Variants in DDX41 observed in about 807,000 individuals in gnomAD.
DDX41 encodes the protein DEAD-box helicase 41.
Under a neutral mutation model 78.8 loss-of-function variants are expected in DDX41, and 50 were observed. The observed-to-expected ratio is 0.63, with a 90% confidence interval of 0.51 to 0.80. DDX41 has a LOEUF of 0.80. Ranked by LOEUF, DDX41 falls within the 30% of genes least tolerant of loss-of-function variation. The pLI, the probability that DDX41 is intolerant of heterozygous loss-of-function variation, is 0.00. For missense variants in DDX41, 633 were observed against 849.2 expected, an observed-to-expected ratio of 0.75 and a Z score of 3.16; for synonymous variants, 381 against 321.5, an observed-to-expected ratio of 1.19 and a Z score of -1.98.
chr5:177,516,863 C>T, intron 1 of DDX41, 28 bp from the exon 2 acceptor site: 1 of 1,613,194 alleles, frequency 6.2e-7, no homozygotes, highest in Non-Finnish European at 8.5e-7. Context: ...TCAGGCACGG[C>T]CTGCTCCCCT....
Position 177,516,280 on chromosome 5 carries a change from C to A in DDX41, c.298+8G>T. ...TCTTTCTCGCCCAGGCAGTGCTGCC[C>A]AGCCCACCTTCAGCCTTCTCTTTAA... is the stretch of plus-strand genomic sequence containing the variant. On this transcript the variant is annotated splice_region_variant and intron_variant, in intron 3 of 16. Coordinates refer to ENST00000330503, the MANE Select transcript of DDX41 (RefSeq NM_016222.4). 6.2e-6 allele frequency: 10 copies of A among 1,614,156 alleles called. No homozygotes were observed. The highest frequency in any genetic ancestry group is 8.5e-6 in the Non-Finnish European group (10 of 1,180,016).
At position 177,516,811 on chromosome 5, in the gene DDX41, C is replaced by T. The variant is rs747566780; in HGVS notation, c.52G>A (p.Ala18Thr). ...RKRARTDEVP[A>T]GGSRSEAEDE... ...TCCGCCTCGGAGCGGCTTCCTCCGGCAGGCACCTCGTCGGTGCGAGCCCGC... is the reference window on the plus strand; with the variant it reads ...TCCGCCTCGGAGCGGCTTCCTCCGGTAGGCACCTCGTCGGTGCGAGCCCGC... Residue 18 changes from alanine (A) to threonine (T), a missense_variant, in exon 2 of 17, where the codon GCC (alanine) becomes ACC (threonine). Physicochemically the swap from Ala to Thr is moderately conservative, Grantham distance 58 (BLOSUM62 0). Around this residue, in one of 6 missense-constraint regions of DDX41, gnomAD observed 140 missense variants for 115.2 expected, o/e 1.22. Transcript: ENST00000330503. 2.9e-5 allele frequency: 46 copies of T among 1,612,452 alleles called. No individual in the cohort carries two copies. Among genetic ancestry groups the T allele is most frequent in the Non-Finnish European group, 3.8e-5 (45 of 1,179,852 alleles).
At chr5:177,512,696 G>A in intron 13 of DDX41, 51 bp from the exon 14 acceptor site, 2 of 1,613,236 alleles carry the variant, frequency 1.2e-6, no homozygotes, top group East Asian at 2.2e-5. Context: ...ACAGGGGAGT[G>A]GCAGGCCAAC....
chr5:177,512,160 C>G lies in DDX41; in HGVS notation c.1668G>C (p.Lys556Asn). 6.2e-7 allele frequency: 1 copy of G among 1,613,650 alleles called. No homozygotes were observed. The highest frequency in any genetic ancestry group is 8.5e-7 in the Non-Finnish European group (1 of 1,180,038). Residue 556 changes from lysine to asparagine, a missense_variant, in exon 16 of 17, where the codon AAG (lysine) becomes AAC (asparagine). By Grantham distance (94) the Lys-to-Asn change is moderately conservative. This residue lies in a region of DDX41 where 185 missense variants were observed against 367.4 expected (regional missense o/e 0.50). Coordinates refer to ENST00000330503, the MANE Select transcript of DDX41 (RefSeq NM_016222.4). ...MDLKALLLEA[K>N]QKVPPVLQVL... ...CCTGCAGCACGGGCGGCACCTTCTG[C>G]TTGGCTTCTAGCAGCAGCGCTTTGA...
chr5:177,515,176 CCA>C lies in DDX41; in HGVS notation c.644+8_644+9del, dbSNP rs749438678. 6.2e-6 allele frequency: 10 copies of C among 1,613,906 alleles called. No homozygotes were observed. Among genetic ancestry groups the C allele is most frequent in the Non-Finnish European group, 8.5e-6 (10 of 1,180,042 alleles). ...TCCTCAAGGACCCCAGGTCCACAGT[CCA>C]CACTCACATGGTGGGGATGCCCTGG... On this transcript the variant is annotated splice_region_variant and intron_variant, in intron 7 of 16. Transcript: ENST00000330503.
In DDX41 at chr5:177,515,811, G is replaced by A. The variant is rs990049233; in HGVS notation, c.445C>T (p.Pro149Ser). 2 of 1,614,202 alleles carry A rather than the reference G, an allele frequency of 1.2e-6. No homozygotes were observed. Among genetic ancestry groups the A allele is most frequent in the Middle Eastern group, 3.3e-4 (2 of 6,062 alleles). Reference protein sequence around the residue: ...DDPIKTSWTPPRYVLSMSEER... With the variant: ...DDPIKTSWTPSRYVLSMSEER... The stretch of plus-strand genomic sequence containing the variant: ...TCAGACATGCTCAGAACATAACGGG[G>A]TGGAGTCCAGCTGTGGATGGGTAAC... Residue 149 changes from proline to serine, a missense_variant, in exon 6 of 17, where the codon CCC (proline) becomes TCC (serine). By Grantham distance (74) the Pro-to-Ser change is moderately conservative (BLOSUM62 -1). This residue lies in a region of DDX41 where 126 missense variants were observed against 115.5 expected (regional missense o/e 1.09). Coordinates refer to ENST00000330503, the MANE Select transcript of DDX41 (RefSeq NM_016222.4).
At chr5:177,515,352 G>A (rs771552373) in intron 6 of DDX41, 94 bp from the exon 7 acceptor site, 2 of 1,237,914 alleles carry the variant, frequency 1.6e-6, no homozygotes, top group African/African-American at 3.0e-5. Context: ...ACAAGTTGCA[G>A]ATGATGAAAC....
chr5:177,514,885 C>G lies in DDX41; in HGVS notation c.798+31G>C. On this transcript the variant is annotated intron_variant, in intron 8 of 16. Transcript: ENST00000330503. The surrounding 1 kb of genome is among the most constrained non-coding windows in gnomAD (Gnocchi z 4.2). Reference sequence around the variant, plus strand: ...TGGCACCAGATGGCAGCCCCAATCTCTGGCCTGCCCTCCAGGCCAGCCTAT... The same window carrying G: ...TGGCACCAGATGGCAGCCCCAATCTGTGGCCTGCCCTCCAGGCCAGCCTAT... 1 of 1,603,570 alleles carries G rather than the reference C, an allele frequency of 6.2e-7. No individual in the cohort carries two copies. The highest frequency in any genetic ancestry group is 1.1e-5 in the South Asian group (1 of 90,968).
intron 2 of DDX41, 76 bp downstream of exon 2, chr5:177,516,649 C>A: frequency 6.8e-7 from 1 of 1,477,424 alleles, no homozygotes; most frequent in Non-Finnish European, 9.2e-7. Flanking sequence ...CTCCTCCCCA[C>A]GGAGGCCGAG....
Position 177,513,754 on chromosome 5 carries a change from C to T in DDX41, c.1029G>A (p.Leu343=), listed in dbSNP as rs776202499. Residue 343 remains leucine, a synonymous_variant, in exon 10 of 17, where the codon CTG becomes CTA. Coordinates refer to ENST00000330503, the MANE Select transcript of DDX41 (RefSeq NM_016222.4). The surrounding 1 kb of genome is among the most constrained non-coding windows in gnomAD (Gnocchi z 4.6). ...VSLDICRYLA[L]DEADRMIDMG... ...TGTCGATCATGCGGTCAGCCTCGTC[C>T]AGGGCCAGGTAGCGACAGATGTCTA... is the stretch of plus-strand genomic sequence containing the variant. The T allele has an allele frequency of 6.2e-7, 1 of 1,613,916 alleles. No homozygotes were observed. The highest frequency in any genetic ancestry group is 2.2e-5 in the East Asian group (1 of 44,886).
chr5:177,515,474 T>G (rs1761183418), intron 6 of DDX41: 2 of 856,764 alleles, frequency 2.3e-6, no homozygotes, highest in Non-Finnish European at 3.8e-6. Flanking sequence ...CTATGCCCAA[T>G]GGCACTTTCC....
Position 177,515,237 on chromosome 5 carries a change from T to C in DDX41, c.593A>G (p.Lys198Arg). The C allele has an allele frequency of 6.2e-7, 1 of 1,614,042 alleles. No individual in the cohort carries two copies. The highest frequency in any genetic ancestry group is 8.5e-7 in the Non-Finnish European group (1 of 1,180,026). Residue 198 changes from lysine (K) to arginine (R), a missense_variant, in exon 7 of 17, where the codon AAG becomes AGG. By Grantham distance (26) the Lys-to-Arg change is conservative. Around this residue, in one of 6 missense-constraint regions of DDX41, gnomAD observed 126 missense variants for 115.5 expected, o/e 1.09. Coordinates refer to ENST00000330503, the MANE Select transcript of DDX41 (RefSeq NM_016222.4). ...GGGTGTTGGGTGGTGAATGCCTTTCTTCTTCAGGCCTCTCAGGATGGCTAT... is the reference window on the plus strand; with the variant it reads ...GGGTGTTGGGTGGTGAATGCCTTTCCTCTTCAGGCCTCTCAGGATGGCTAT... Reference protein sequence around the residue: ...FPAAILRGLKKKGIHHPTPIQ... With the variant: ...FPAAILRGLKRKGIHHPTPIQ...
chr5:177,515,113 G>A, intron 7 of DDX41, 44 bp from the exon 8 acceptor site: 1 of 1,612,284 alleles, frequency 6.2e-7, no homozygotes, highest in Non-Finnish European at 8.5e-7. Flanking sequence ...AACAGAAGAT[G>A]AAGGACACCT....
chr5:177,512,660 GCA>G lies in DDX41; in HGVS notation c.1400-17_1400-16del. 1 of 1,613,850 alleles carries G rather than the reference GCA, an allele frequency of 6.2e-7. No individual in the cohort carries two copies. Among genetic ancestry groups the G allele is most frequent in the Non-Finnish European group, 8.5e-7 (1 of 1,179,964 alleles). On this transcript the variant is annotated splice_polypyrimidine_tract_variant and intron_variant, in intron 13 of 16. Transcript: ENST00000330503. ...TTCCTCCTGGTCTGGGGAGGGTCAG[GCA>G]GACACTGTCAGAGCCACCATGGGAC...
At chr5:177,515,644 T>G (rs758263694) in intron 6 of DDX41, 41 bp downstream of exon 6, 4 of 1,608,706 alleles carry the variant, frequency 2.5e-6, no homozygotes, top group African/African-American at 1.3e-5. Flanking sequence ...CACAGGCATT[T>G]GATTATAAAA....
chr5:177,515,871 G>A, intron 5 of DDX41, 50 bp from the exon 6 acceptor site: 1 of 1,614,132 alleles, frequency 6.2e-7, no homozygotes, highest in South Asian at 1.1e-5. Flanking sequence ...AGCTGGCCTG[G>A]GAGCATCCCT....
chr5:177,516,876 T>C, intron 1 of DDX41, 41 bp from the exon 2 acceptor site: 2 of 1,613,224 alleles, frequency 1.2e-6, no homozygotes, highest in South Asian at 1.1e-5. Flanking sequence ...GCTCCCCTCT[T>C]CACGCCCGCT....
At chr5:177,516,526 G>A (rs775765703) in intron 2 of DDX41, 79 bp from the exon 3 acceptor site, 4 of 1,556,350 alleles carry the variant, frequency 2.6e-6, no homozygotes, top group Admixed American at 3.4e-5. Context: ...GCTTTGGGGC[G>A]AGGATCCTGT....
At position 177,512,988 on chromosome 5, in the gene DDX41, C is replaced by G. The variant is rs200741070; in HGVS notation, c.1302+23G>C. 3.1e-6 allele frequency: 5 copies of G among 1,612,816 alleles called. No homozygotes were observed. The South Asian group carries it at 4.4e-5, about 14-fold the overall frequency. On this transcript the variant is annotated intron_variant, in intron 12 of 16. Coordinates refer to ENST00000330503, the MANE Select transcript of DDX41 (RefSeq NM_016222.4). Reference sequence around the variant, plus strand: ...TCCCTGGTCCTGGGGACTCTGGCCCCGGCCTGGCCTGGCTGCACTCACAGG... The same window carrying G: ...TCCCTGGTCCTGGGGACTCTGGCCCGGGCCTGGCCTGGCTGCACTCACAGG...
Sources: allele counts gnomAD v4.1 joint callset, GRCh38; gene constraint gnomAD v4.1.1; regional missense constraint gnomAD v4.1.1; non-coding constraint Gnocchi (gnomAD v3.1); transcripts MANE v1.5; gene names NCBI Gene and HGNC (gene_info 2026-07-23, HGNC 2026-07-21).